ZNF467: variants seen among roughly 807,000 people sequenced by gnomAD.
ZNF467 encodes zinc finger protein EZI.
A neutral mutation model predicts 47.8 loss-of-function variants in ZNF467; 51 were observed. The observed-to-expected ratio is 1.07, with a 90% CI of 0.85 to 1.35. The LOEUF is 1.35. ZNF467 is among the 40% of genes most tolerant of loss of function. The pLI, the probability that ZNF467 is intolerant of heterozygous loss-of-function variation, is 0.00. For synonymous variants in ZNF467, 416 were observed against 372.9 expected, an observed-to-expected ratio of 1.12 and a Z score of -1.33; for missense variants, 992 against 858.1, an observed-to-expected ratio of 1.16 and a Z score of -1.95.
rs1206067253 is a variant in ZNF467, at chr7:149,765,188, G to A, written c.1314C>T (p.Arg438=). 6 of 1,504,598 alleles carry A rather than the reference G, an allele frequency of 4.0e-6. No individual in the cohort carries two copies. Among genetic ancestry groups the A allele is most frequent in the Non-Finnish European group, 5.3e-6 (6 of 1,131,002 alleles). The allele number at this position is 1,504,598 out of a possible 1,614,324, so 93.2% of individuals were successfully genotyped here. A position where few individuals can be genotyped will look rare whatever the true frequency, so the allele number is the denominator to read the frequency against. Residue 438 remains arginine, a synonymous_variant, in exon 5 of 5, where the codon CGC becomes CGT. Coordinates refer to ENST00000302017, the MANE Select transcript of ZNF467 (RefSeq NM_207336.3). ...ERSFFCPDCG[R]GFSHGQHLAR... is the part of the protein sequence containing the mutation. ...CCAGGTGCTGCCCATGGGAGAAGCC[G>A]CGCCCGCAGTCCGGGCAGAAGAAGG...
rs2117387736 is a variant in ZNF467, at chr7:149,765,154, G to A, written c.1348C>T (p.Pro450Ser). 2 of 1,495,164 alleles carry A rather than the reference G, an allele frequency of 1.3e-6. No homozygotes were observed. Among genetic ancestry groups the A allele is most frequent in the Admixed American group, 2.2e-5 (1 of 45,590 alleles). 92.6% of individuals were successfully genotyped at this position (1,495,164 alleles called of 1,614,324 possible). Reference sequence around the variant, plus strand: ...GGCCGTTCGCCCGTGTGCACGCGCGGGTGCCGCGCCAGGTGCTGCCCATGG... The same window carrying A: ...GGCCGTTCGCCCGTGTGCACGCGCGAGTGCCGCGCCAGGTGCTGCCCATGG... ...FSHGQHLARH[P>S]RVHTGERPFA... Residue 450 changes from proline to serine, a missense_variant, in exon 5 of 5, where the codon CCG becomes TCG. Transcript: ENST00000302017.
intron 1 of ZNF467, among the ~76,000 whole-genome samples, chr7:149,771,727 C>T (rs1359636988): frequency 3.4e-5 from 4 of 119,394 alleles, no homozygotes; most frequent in Non-Finnish European, 5.4e-5. Context: ...CCCCAGCAGA[C>T]TCCCCTCCCC....
rs1382450542 is a variant in ZNF467 at position 149,769,069 on chromosome 7, T to G, written c.262+21A>C. On this transcript the variant is annotated intron_variant, in intron 4 of 4. Coordinates refer to ENST00000302017, the MANE Select transcript of ZNF467 (RefSeq NM_207336.3). This position sits in a 1 kb window ranked among gnomAD's most constrained non-coding sequence, Gnocchi z 5.3. ...CCCTTGGCCTGAGCCCGTGGTGGGA[T>G]GAAGTGATGGGAAGACTCACCTGGG... 30 of 1,529,296 alleles carry G rather than the reference T, an allele frequency of 2.0e-5. No homozygotes were observed. Among genetic ancestry groups the G allele is most frequent in the Non-Finnish European group, 2.6e-5 (30 of 1,137,010 alleles). The allele number at this position is 1,529,296 out of a possible 1,614,324, so 94.7% of individuals were successfully genotyped here.
chr7:149,776,176 C>CCCCCCCCCCCCCCGGGA, upstream of ZNF467: 1 of 1,122,780 alleles, frequency 8.9e-7, no homozygotes, highest in Non-Finnish European at 1.2e-6. Context: ...AGACTCCGTG[C>CCCCCCCCCCCCCCGGGA]CCCCCACCCC....
chr7:149,773,932 C>A (rs1318355138), upstream of ZNF467, among the ~76,000 whole-genome samples: 2 of 152,182 alleles, frequency 1.3e-5, no homozygotes, highest in African/African-American at 4.8e-5. Flanking sequence ...GGAGAGAGGG[C>A]TGGGCCCCTG....
rs1354339133 is a variant in ZNF467, at chr7:149,765,834, T to G, written c.668A>C (p.Lys223Thr). Residue 223 changes from lysine (K) to threonine (T), a missense_variant, in exon 5 of 5, where the codon AAG (lysine) becomes ACG (threonine). By Grantham distance (78) the Lys-to-Thr change is moderately conservative. Transcript: ENST00000302017. The stretch of plus-strand genomic sequence containing the variant: ...CAGATGGGCCTTCTTGCTGAAGCGC[T>G]TGTCGCACTCGGAGCACGGGAAAGG... ...ERPFPCSECD[K>T]RFSKKAHLTR... 2.3e-5 allele frequency: 37 copies of G among 1,609,228 alleles called. No individual in the cohort carries two copies. The highest frequency in any genetic ancestry group is 3.1e-5 in the Non-Finnish European group (36 of 1,178,128).
In ZNF467 at chr7:149,764,784, G is replaced by A. The variant is rs575548240; in HGVS notation, c.1718C>T (p.Pro573Leu). 6.2e-5 allele frequency: 94 copies of A among 1,522,784 alleles called. No homozygotes were observed. In the East Asian group the frequency reaches 2.1e-3, roughly 34 times the overall value. 94.3% of individuals were successfully genotyped at this position (1,522,784 alleles called of 1,614,324 possible). A position where few individuals can be genotyped will look rare whatever the true frequency, so the allele number is the denominator to read the frequency against. ...GGCTGGGGCCGCAAGGGCGGCGTCCGGGGCCGCGTGGGCGGCTTCGCCGTG... is the reference window on the plus strand; with the variant it reads ...GGCTGGGGCCGCAAGGGCGGCGTCCAGGGCCGCGTGGGCGGCTTCGCCGTG... ...LIHGEAAHAA[P>L]DAALAAPAWS... The change falls in exon 5 of 5, where the codon CCG (proline) becomes CTG (leucine). Residue 573 changes from proline to leucine, a missense_variant. Physicochemically the swap from Pro to Leu is moderately conservative, Grantham distance 98 (BLOSUM62 -3). Transcript: ENST00000302017.
At position 149,765,517 on chromosome 7, in the gene ZNF467, TGGCCG is replaced by T; in HGVS notation, c.980_984del (p.Pro327GlnfsTer60). On this transcript the variant is annotated frameshift_variant, in exon 5 of 5. Coordinates refer to ENST00000302017, the MANE Select transcript of ZNF467 (RefSeq NM_207336.3). LOFTEE classifies it high-confidence loss of function. ...GAAGCGGACGAGTCGGGAGAGGGCCTGGCCGGGCCGGCCGTCTGGTGCACCCTTTG... is the reference window on the plus strand; with the variant it reads ...GAAGCGGACGAGTCGGGAGAGGGCCTGGCCGGCCGTCTGGTGCACCCTTTG... 2 of 1,580,250 alleles carry T rather than the reference TGGCCG, an allele frequency of 1.3e-6. No individual in the cohort carries two copies. The highest frequency in any genetic ancestry group is 1.7e-6 in the Non-Finnish European group (2 of 1,163,600).
upstream of ZNF467, among the ~76,000 whole-genome samples, chr7:149,773,694 G>C (rs1345103310): frequency 6.6e-6 from 1 of 150,470 alleles, no homozygotes; most frequent in Non-Finnish European, 1.5e-5. Flanking sequence ...GCCGTGTCGG[G>C]GGGGAGCCAG....
chr7:149,766,325 C>A, intron 4 of ZNF467, 86 bp from the exon 5 acceptor site: 1 of 1,494,836 alleles, frequency 6.7e-7, no homozygotes, highest in Non-Finnish European at 8.9e-7. Context: ...CCTGGAGCCC[C>A]GCGGTCTGGC....
chr7:149,771,667 G>C (rs1799411476), intron 1 of ZNF467, among the ~76,000 whole-genome samples: 1 of 151,606 alleles, frequency 6.6e-6, no homozygotes, highest in Non-Finnish European at 1.5e-5. Context: ...CCCGGACACC[G>C]CCCCTGCTGC....
Position 149,764,310 on chromosome 7 carries a change from G to C in ZNF467, c.*404C>G, listed in dbSNP as rs117383860. On this transcript the variant is annotated 3_prime_UTR_variant, in exon 5 of 5. Transcript: ENST00000302017. ...TGTGTGTGGATGGAGGTGGGACAGT[G>C]GCTAAGGAGAGTCAGGTGTTCCCTC... 9.9e-3 allele frequency: 4,667 copies of C among 469,832 alleles called. 36 individuals are homozygous for C. Among genetic ancestry groups the C allele is most frequent in the Non-Finnish European group, 0.014 (3,736 of 267,906 alleles). The allele number at this position is 469,832 out of a possible 1,614,324, so 29.1% of individuals were successfully genotyped here.
At chr7:149,776,190 G>GCA, upstream of ZNF467, 1 of 1,095,976 alleles carries the variant, frequency 9.1e-7, no homozygotes, top group Non-Finnish European at 1.2e-6. Flanking sequence ...CCACCCCCGG[G>GCA]ATCCTCCCTC....
rs924516260 is a variant in ZNF467 at position 149,766,235 on chromosome 7, C to A, written c.267G>T (p.Glu89Asp). 1 of 1,517,340 alleles carries A rather than the reference C, an allele frequency of 6.6e-7. No homozygotes were observed. The highest frequency in any genetic ancestry group is 8.8e-7 in the Non-Finnish European group (1 of 1,132,316). 94.0% of individuals were successfully genotyped at this position (1,517,340 alleles called of 1,614,324 possible). A position where few individuals can be genotyped will look rare whatever the true frequency, so the allele number is the denominator to read the frequency against. The change falls in exon 5 of 5, where the codon GAG becomes GAT. Residue 89 changes from glutamate (E) to aspartate (D), a missense_variant. Physicochemically the swap from Glu to Asp is conservative, Grantham distance 45. Transcript: ENST00000302017. ...KAQPVGTCPGEEWMIRKVKVE... is the reference protein window; with the variant it reads ...KAQPVGTCPGDEWMIRKVKVE... ...CCTTCACCTTCCGAATCATCCACTC[C>A]TCTCCTGGAAAGTCAAAACAAGAAT...
Position 149,764,688 on chromosome 7 carries a change from A to G in ZNF467, c.*26T>C. On this transcript the variant is annotated 3_prime_UTR_variant, in exon 5 of 5. Coordinates refer to ENST00000302017, the MANE Select transcript of ZNF467 (RefSeq NM_207336.3). ...CACGGGCCTCTCGAAACTGTGGGCAAGAAAGGGTCCTCGTGAGAACTAGGC... is the reference window on the plus strand; with the variant it reads ...CACGGGCCTCTCGAAACTGTGGGCAGGAAAGGGTCCTCGTGAGAACTAGGC... The G allele has an allele frequency of 6.3e-7, 1 of 1,582,522 alleles. No individual in the cohort carries two copies. The highest frequency in any genetic ancestry group is 8.6e-7 in the Non-Finnish European group (1 of 1,161,198).
At chr7:149,766,764 C>G (rs186862628) in intron 4 of ZNF467, among the ~76,000 whole-genome samples, 23 of 152,320 alleles carry the variant, frequency 1.5e-4, no homozygotes, top group African/African-American at 4.3e-4. Context: ...AAAACTTGAT[C>G]TTTGACATCT....
At position 149,765,052 on chromosome 7, in the gene ZNF467, C is replaced by T. The variant is rs1209715565; in HGVS notation, c.1450G>A (p.Ala484Thr). Residue 484 changes from alanine (A) to threonine (T), a missense_variant, in exon 5 of 5, where the codon GCC (alanine) becomes ACC (threonine). Transcript: ENST00000302017. ...CACTGAGCGCAGGCGAAAGGCCTGG[C>T]GCCGCTGTGGGCCCTGGAGTGGGCG... ...LVAHSRAHSG[A>T]RPFACAQCGR... 9.9e-6 allele frequency: 15 copies of T among 1,508,574 alleles called. No homozygotes were observed. In the East Asian group the frequency reaches 3.0e-4, roughly 30 times the overall value. The allele number at this position is 1,508,574 out of a possible 1,614,324, so 93.4% of individuals were successfully genotyped here. A position where few individuals can be genotyped will look rare whatever the true frequency, so the allele number is the denominator to read the frequency against.
In ZNF467 at chr7:149,766,282, G is replaced by A. The variant is rs200308300; in HGVS notation, c.263-43C>T. 1.9e-5 allele frequency: 29 copies of A among 1,509,926 alleles called. No homozygotes were observed. The East Asian group carries it at 2.7e-4, about 14-fold the overall frequency. The allele number at this position is 1,509,926 out of a possible 1,614,324, so 93.5% of individuals were successfully genotyped here. On this transcript the variant is annotated intron_variant, in intron 4 of 4. Coordinates refer to ENST00000302017, the MANE Select transcript of ZNF467 (RefSeq NM_207336.3). ...GAATTGTCTATTGAGCTCCACGTGCGGCAACGTCTATTTAACCACAGGATC... is the reference window on the plus strand; with the variant it reads ...GAATTGTCTATTGAGCTCCACGTGCAGCAACGTCTATTTAACCACAGGATC...
At position 149,767,459 on chromosome 7, in the gene ZNF467, C is replaced by T. The variant is rs796420110; in HGVS notation, c.263-1220G>A. Among the ~76,000 whole-genome samples the T allele has an allele frequency of 2.0e-5, 3 of 152,370 alleles. No individual in the cohort carries two copies. The South Asian group carries it at 6.2e-4, about 32-fold the overall frequency. On this transcript the variant is annotated intron_variant, in intron 4 of 4. Coordinates refer to ENST00000302017, the MANE Select transcript of ZNF467 (RefSeq NM_207336.3). The stretch of plus-strand genomic sequence containing the variant: ...AGTTTCTTCTATCAGTCCATTGATT[C>T]CAGACCCCTGTCTACTTATCACACT...
Sources: allele counts gnomAD v4.1 joint callset (sites outside exome capture counted in the v4.1 genomes callset), GRCh38; gene constraint gnomAD v4.1.1; non-coding constraint Gnocchi (gnomAD v3.1); transcripts MANE v1.5; gene names NCBI Gene and HGNC (gene_info 2026-07-23, HGNC 2026-07-21).